FAM163A: variants seen among roughly 807,000 people sequenced by gnomAD.
FAM163A encodes the protein protein FAM163A.
FAM163A carries 7 observed loss-of-function variants against 12.0 expected under a neutral mutation model. The ratio of observed to expected loss-of-function variants is 0.58; its 90% CI spans 0.33 to 1.10. The LOEUF is 1.10. Among genes scored for constraint, FAM163A ranks in the 50% least tolerant of loss-of-function variants. FAM163A has a pLI of 0.03. For synonymous variants in FAM163A, 101 were observed against 91.0 expected (o/e 1.11, Z -0.62); for missense variants, 202 against 218.6 (o/e 0.92, Z 0.48).
At chr1:179,777,008 C>T (rs1395906867) in intron 1 of FAM163A, among the ~76,000 whole-genome samples, 2 of 152,182 alleles carry the variant, frequency 1.3e-5, no homozygotes, top group East Asian at 3.8e-4. Flanking sequence ...TTTCACTTAA[C>T]CTGTCTTGGA....
intron 1 of FAM163A, among the ~76,000 whole-genome samples, chr1:179,762,202 T>C (rs1273851260): frequency 6.6e-6 from 1 of 152,244 alleles, no homozygotes; most frequent in Non-Finnish European, 1.5e-5. Flanking sequence ...ATAATCATGT[T>C]AGAAACCTAT....
intron 1 of FAM163A, among the ~76,000 whole-genome samples, chr1:179,750,467 G>A (rs1193840298): frequency 6.6e-6 from 1 of 152,224 alleles, no homozygotes; most frequent in Non-Finnish European, 1.5e-5. Context: ...GAATGAGTAG[G>A]AGCTAAGGAG....
chr1:179,787,035 G>C (rs1447291773), intron 1 of FAM163A, among the ~76,000 whole-genome samples: 1 of 152,210 alleles, frequency 6.6e-6, no homozygotes, highest in Non-Finnish European at 1.5e-5. Context: ...GAGATGTAGA[G>C]GATGAATTAA....
At chr1:179,804,947 A>C (rs991849081) in intron 1 of FAM163A, among the ~76,000 whole-genome samples, 42 of 152,336 alleles carry the variant, frequency 2.8e-4, no homozygotes, top group African/African-American at 9.9e-4. Context: ...TGTATCCCCA[A>C]ACCTAAAATA....
intron 1 of FAM163A, among the ~76,000 whole-genome samples, chr1:179,754,413 A>G (rs1034070474): frequency 3.9e-5 from 6 of 152,102 alleles, no homozygotes; most frequent in African/African-American, 1.4e-4. Flanking sequence ...ACAGATGAAG[A>G]GGAATGGTTC....
rs1333568167 is a variant in FAM163A, at chr1:179,812,108, A to G, written c.-44-2A>G. On this transcript the variant is annotated splice_acceptor_variant, in intron 2 of 4. Transcript: ENST00000341785. LOFTEE classifies it low-confidence loss of function (5UTR_SPLICE). ...ATCTCTGTCCTTTCTGTTGTCTTGC[A>G]GGTCGCCGTTCCCTTTACTGAATGT... The G allele has an allele frequency of 2.0e-5, 3 of 152,606 alleles. No homozygotes were observed. The highest frequency in any genetic ancestry group is 7.2e-5 in the African/African-American group (3 of 41,422). The allele number at this position is 152,606 out of a possible 1,614,324, so 9.5% of individuals were successfully genotyped here.
chr1:179,739,815 A>G (rs4652452), upstream of FAM163A, among the ~76,000 whole-genome samples: 45,250 of 152,200 alleles, frequency 0.3, 7,343 homozygotes, highest in East Asian at 0.63. Context: ...GACGTCTGAC[A>G]TCAGTAGTCA....
the FAM163A span, among the ~76,000 whole-genome samples, chr1:179,735,709 T>G: frequency 6.6e-6 from 1 of 151,590 alleles, no homozygotes; most frequent in Non-Finnish European, 1.5e-5. Flanking sequence ...TTCACCGTGT[T>G]AGCCAGGATG....
chr1:179,754,435 A>G (rs1014356417), intron 1 of FAM163A, among the ~76,000 whole-genome samples: 2 of 152,090 alleles, frequency 1.3e-5, no homozygotes, highest in Non-Finnish European at 2.9e-5. Flanking sequence ...AGCCCTCATG[A>G]TATTAATCTG....
At chr1:179,758,465 A>G (rs997196705) in intron 1 of FAM163A, among the ~76,000 whole-genome samples, 5 of 152,072 alleles carry the variant, frequency 3.3e-5, no homozygotes, top group African/African-American at 1.2e-4. Flanking sequence ...CTACTCCATC[A>G]CCTTTCTCTC....
At chr1:179,805,280 G>A (rs1370361928) in intron 1 of FAM163A, among the ~76,000 whole-genome samples, 7 of 152,134 alleles carry the variant, frequency 4.6e-5, no homozygotes, top group Non-Finnish European at 2.9e-5. Context: ...TACTTTGGGA[G>A]GCTGAGGCAG....
intron 2 of FAM163A, among the ~76,000 whole-genome samples, chr1:179,811,056 AG>A (rs952066491): frequency 6.6e-6 from 1 of 152,066 alleles, no homozygotes; most frequent in Admixed American, 6.5e-5. Context: ...AAAAAAGAAC[AG>A]TGGGACTGCA....
chr1:179,813,848 A>G lies in FAM163A; in HGVS notation c.163A>G (p.Thr55Ala). The part of the protein sequence containing the change: ...EEEEREHDLP[T>A]HPRGPTCNAC... ...GGAGGAGCGGGAGCACGACCTTCCC[A>G]CGCATCCCAGAGGCCCCACCTGCAA... is the stretch of plus-strand genomic sequence containing the variant. Residue 55 changes from threonine to alanine, a missense_variant, in exon 5 of 5, where the codon ACG (threonine) becomes GCG (alanine). Physicochemically the swap from Thr to Ala is moderately conservative, Grantham distance 58 (BLOSUM62 0). Coordinates refer to ENST00000341785, the MANE Select transcript of FAM163A (RefSeq NM_173509.3). 1 of 1,613,890 alleles carries G rather than the reference A, an allele frequency of 6.2e-7. No individual in the cohort carries two copies. The highest frequency in any genetic ancestry group is 8.5e-7 in the Non-Finnish European group (1 of 1,179,982).
chr1:179,743,368 G>A lies in FAM163A; in HGVS notation c.-191G>A, dbSNP rs1392191439. 1.3e-5 allele frequency: 2 copies of A among 152,422 alleles called. No homozygotes were observed. The highest frequency in any genetic ancestry group is 2.1e-4 in the South Asian group (1 of 4,840). 9.4% of individuals were successfully genotyped at this position (152,422 alleles called of 1,614,324 possible). A position where few individuals can be genotyped will look rare whatever the true frequency, so the allele number is the denominator to read the frequency against. ...GCTGGCGCCCGGAAGGACGCGCTGC[G>A]ACCCCGTGGGAGCCGAACGCGGGAG... On this transcript the variant is annotated 5_prime_UTR_variant, in exon 1 of 5. Coordinates refer to ENST00000341785, the MANE Select transcript of FAM163A (RefSeq NM_173509.3).
At chr1:179,786,686 G>A (rs1377902890) in intron 1 of FAM163A, among the ~76,000 whole-genome samples, 1 of 152,218 alleles carries the variant, frequency 6.6e-6, no homozygotes, top group African/African-American at 2.4e-5. Context: ...AAGTATCAAG[G>A]TTCAGAGAGA....
At chr1:179,770,976 T>C (rs1688196542) in intron 1 of FAM163A, among the ~76,000 whole-genome samples, 1 of 152,222 alleles carries the variant, frequency 6.6e-6, no homozygotes, top group Non-Finnish European at 1.5e-5. Context: ...TTCAAAGTCA[T>C]CCCACAAATG....
At chr1:179,729,510 G>A in the FAM163A span, among the ~76,000 whole-genome samples, 1 of 152,196 alleles carries the variant, frequency 6.6e-6, no homozygotes, top group Non-Finnish European at 1.5e-5. Context: ...TGCTAAGGAT[G>A]TCAGAGGAAA....
intron 1 of FAM163A, among the ~76,000 whole-genome samples, chr1:179,751,095 A>G (rs570460003): frequency 6.6e-6 from 1 of 152,278 alleles, no homozygotes; most frequent in Admixed American, 6.5e-5. Context: ...ACTTTGAACC[A>G]TCTGAGTGGA....
At chr1:179,800,912 C>T (rs1693080588) in intron 1 of FAM163A, among the ~76,000 whole-genome samples, 2 of 152,158 alleles carry the variant, frequency 1.3e-5, no homozygotes, top group African/African-American at 2.4e-5. Flanking sequence ...TTAGCTCAGG[C>T]ATAACTCAAA....
Sources: gnomAD v4.1 joint callset for allele counts (sites outside exome capture counted in the v4.1 genomes callset) on GRCh38, gnomAD v4.1.1 for gene constraint, MANE v1.5 for transcripts, NCBI Gene and HGNC (gene_info 2026-07-23, HGNC 2026-07-21) for gene names.